The following SPTLC1 variants were observed in gnomAD, a reference collection of about 807,000 sequenced individuals.
SPTLC1 encodes serine palmitoyltransferase long chain base subunit 1.
Under a neutral mutation model 68.9 loss-of-function variants are expected in SPTLC1, and 55 were observed. The ratio of observed to expected loss-of-function variants is 0.80; its 90% CI spans 0.64 to 1.00. The LOEUF (loss-of-function observed/expected upper bound fraction) is 1.00. SPTLC1 is among the 50% of genes least tolerant of loss of function. SPTLC1 has a pLI of 0.00. For missense variants in SPTLC1, 449 were observed against 573.1 expected (o/e 0.78, Z 2.21); for synonymous variants, 197 against 201.6 (o/e 0.98, Z 0.19).
At chr9:92,082,774 C>T (rs996271379) in intron 3 of SPTLC1, among the ~76,000 whole-genome samples, 24 of 151,504 alleles carry the variant, frequency 1.6e-4, no homozygotes, top group Non-Finnish European at 2.8e-4. Context: ...ATGGCTGGGT[C>T]AAATGGTATT....
chr9:92,088,383 A>G (rs1188460000), intron 3 of SPTLC1, among the ~76,000 whole-genome samples: 3 of 152,242 alleles, frequency 2.0e-5, no homozygotes, highest in Non-Finnish European at 2.9e-5. Flanking sequence ...CTATTCGGCT[A>G]TCTTGGCTGC....
chr9:92,093,127 C>T (rs1472107342), intron 3 of SPTLC1, among the ~76,000 whole-genome samples: 2 of 152,022 alleles, frequency 1.3e-5, no homozygotes, highest in African/African-American at 4.8e-5. Flanking sequence ...GAACAGAGTA[C>T]ACCTAAGAGA....
chr9:92,035,853 A>G (rs1319657516), intron 13 of SPTLC1, among the ~76,000 whole-genome samples: 1 of 152,214 alleles, frequency 6.6e-6, no homozygotes, highest in Non-Finnish European at 1.5e-5. Flanking sequence ...CTGGAAGTGT[A>G]CTTGGAAAAG....
chr9:92,050,876 G>T (rs767546593), intron 8 of SPTLC1: 2 of 320,278 alleles, frequency 6.2e-6, no homozygotes, highest in Non-Finnish European at 8.5e-6. Context: ...GCAGTGGTAG[G>T]ATCATGGCTC....
intron 3 of SPTLC1, among the ~76,000 whole-genome samples, chr9:92,082,158 G>C (rs564490999): frequency 6.6e-6 from 1 of 152,214 alleles, no homozygotes; most frequent in Non-Finnish European, 1.5e-5. Context: ...TTGCTATTAT[G>C]AAAGTGCCTG....
intron 12 of SPTLC1, among the ~76,000 whole-genome samples, chr9:92,040,602 A>G (rs950869988): frequency 1.3e-5 from 2 of 151,872 alleles, no homozygotes; most frequent in African/African-American, 2.4e-5. Context: ...TACTAAAAAT[A>G]CAAAAATTAG....
Position 92,047,200 on chromosome 9 carries a change from C to T in SPTLC1, c.1053G>A (p.Glu351=). ...GATTCTCTTCCATGATGTTGAGGGC[C>T]TCAATTGCTGCAGCAGCTAACAGGG... ...LPPLLAAAAI[E]ALNIMEENPG... is the part of the protein sequence containing the mutation. Residue 351 remains glutamate (E), a synonymous_variant, in exon 11 of 15, where the codon GAG becomes GAA. Coordinates refer to ENST00000262554, the MANE Select transcript of SPTLC1 (RefSeq NM_006415.4). 1.2e-6 allele frequency: 2 copies of T among 1,614,104 alleles called. No individual in the cohort carries two copies. Among genetic ancestry groups the T allele is most frequent in the Non-Finnish European group, 1.7e-6 (2 of 1,179,964 alleles).
Position 92,094,469 on chromosome 9 carries a change from C to G in SPTLC1, c.261-13506G>C, listed in dbSNP as rs745504961. On this transcript the variant is annotated intron_variant, in intron 3 of 14. Coordinates refer to ENST00000262554, the MANE Select transcript of SPTLC1 (RefSeq NM_006415.4). ...GTAAGTCAAGACATTCCTAAAACCT[C>G]TTTAACTGAGTTCTGTCCCTCTCCT... Among the ~76,000 whole-genome samples, 14 of 152,232 alleles carry G rather than the reference C, an allele frequency of 9.2e-5. 1 individual carries two copies. Among genetic ancestry groups the G allele is most frequent in the Non-Finnish European group, 1.9e-4 (13 of 68,044 alleles).
At chr9:92,091,867 G>A (rs952003196) in intron 3 of SPTLC1, among the ~76,000 whole-genome samples, 16 of 152,168 alleles carry the variant, frequency 1.1e-4, no homozygotes, top group Non-Finnish European at 2.2e-4. Context: ...ATAACTAAAT[G>A]ATAGCTGGTG....
chr9:92,050,362 A>G, intron 8 of SPTLC1: 1 of 349,796 alleles, frequency 2.9e-6, no homozygotes, highest in South Asian at 2.7e-5. Flanking sequence ...GTGAACAACT[A>G]CCCTTTTCAT....
chr9:92,034,621 T>G (rs114351742), intron 14 of SPTLC1, among the ~76,000 whole-genome samples, 189 bp downstream of exon 14: 2,073 of 152,310 alleles, frequency 0.014, 43 homozygotes, highest in African/African-American at 0.048. Flanking sequence ...AGTGAGTCCT[T>G]GGGAGCTTTT....
In SPTLC1 at chr9:92,038,375, G is replaced by C. The variant is rs1357342455; in HGVS notation, c.1137-10C>G. ...TTTTAATCCAGAAATGCTGAAGAAG[G>C]GAAACACACACACAGCTGTAAGTCC... is the stretch of plus-strand genomic sequence containing the variant. On this transcript the variant is annotated splice_polypyrimidine_tract_variant and intron_variant, in intron 12 of 14. Transcript: ENST00000262554. 2 of 1,539,052 alleles carry C rather than the reference G, an allele frequency of 1.3e-6. No individual in the cohort carries two copies. Among genetic ancestry groups the C allele is most frequent in the Non-Finnish European group, 1.8e-6 (2 of 1,112,336 alleles).
At chr9:92,039,915 G>T (rs1302087124) in intron 12 of SPTLC1, among the ~76,000 whole-genome samples, 1 of 152,206 alleles carries the variant, frequency 6.6e-6, no homozygotes. Flanking sequence ...GGAATCTTGA[G>T]CATGTGGAAT....
chr9:92,047,044 A>G (rs1833539329), intron 11 of SPTLC1, 128 bp downstream of exon 11: 1 of 802,708 alleles, frequency 1.2e-6, no homozygotes, highest in Non-Finnish European at 2.2e-6. Flanking sequence ...CATTCTTCCT[A>G]TGAATGCCAT....
At position 92,102,664 on chromosome 9, in the gene SPTLC1, GAT is replaced by G. The variant is rs1835798958; in HGVS notation, c.260+6074_260+6075del. Among the ~76,000 whole-genome samples, 3 of 151,950 alleles carry G rather than the reference GAT, an allele frequency of 2.0e-5. No homozygotes were observed. In the South Asian group the frequency reaches 6.2e-4, roughly 32 times the overall value. ...GTAACCAGAGAAAAAAATTACACCA[GAT>G]ATGTCAATGAAATAAAGGAATCAAA... On this transcript the variant is annotated intron_variant, in intron 3 of 14. Transcript: ENST00000262554.
chr9:92,104,443 C>A, intron 3 of SPTLC1: 1 of 1,384,632 alleles, frequency 7.2e-7, no homozygotes, highest in Non-Finnish European at 9.6e-7. Context: ...GTGTCTTATC[C>A]CTCGGAACAC....
At chr9:92,060,743 T>TAA (rs777447484) in intron 6 of SPTLC1, among the ~76,000 whole-genome samples, 3 of 125,578 alleles carry the variant, frequency 2.4e-5, no homozygotes, top group African/African-American at 2.9e-5. Context: ...CATCTCTACT[T>TAA]AAAAAAAAAA....
intron 1 of SPTLC1, among the ~76,000 whole-genome samples, chr9:92,114,270 AAAAAT>A (rs374852562): frequency 7.0e-4 from 107 of 152,292 alleles, no homozygotes; most frequent in African/African-American, 2.4e-3. Flanking sequence ...CCTGTCTTTA[AAAAAT>A]AAAATAAAAT....
At chr9:92,079,782 C>A (rs1310043418) in intron 5 of SPTLC1, 3 of 648,376 alleles carry the variant, frequency 4.6e-6, no homozygotes, top group Admixed American at 4.9e-5. Context: ...CTGCAATCCC[C>A]ACACATGCAC....
Sources: allele counts gnomAD v4.1 joint callset (sites outside exome capture counted in the v4.1 genomes callset), GRCh38; gene constraint gnomAD v4.1.1; transcripts MANE v1.5; gene names NCBI Gene and HGNC (gene_info 2026-07-23, HGNC 2026-07-21).